The following SLIT3 variants were observed in gnomAD, a reference collection of about 807,000 sequenced individuals.
SLIT3 encodes slit homolog 3 protein.
Under a neutral mutation model 184.0 loss-of-function variants are expected in SLIT3, and 68 were observed. The observed-to-expected ratio is 0.37, with a 90% CI of 0.30 to 0.45. SLIT3 has a LOEUF of 0.45. Ranked by LOEUF, SLIT3 falls within the 20% of genes least tolerant of loss-of-function variation. The probability of loss-of-function intolerance (pLI) is 1.00; values close to 1 mark genes in which losing one functional copy is unlikely to be tolerated. For missense variants in SLIT3, 1,707 were observed against 2,026.0 expected, an observed-to-expected ratio of 0.84 and a Z score of 3.02; for synonymous variants, 831 against 828.6, an observed-to-expected ratio of 1.00 and a Z score of -0.05.
intron 12 of SLIT3, among the ~76,000 whole-genome samples, chr5:168,778,208 G>A (rs1755826822): frequency 6.6e-6 from 1 of 152,056 alleles, no homozygotes; most frequent in Non-Finnish European, 1.5e-5. Context: ...CACTTTCCAG[G>A]CACTATCTTA....
intron 6 of SLIT3, among the ~76,000 whole-genome samples, chr5:168,843,049 T>G (rs1758323868): frequency 6.6e-6 from 1 of 152,166 alleles, no homozygotes. Flanking sequence ...TTGTTGCCAG[T>G]TCCAGGGTCA....
intron 4 of SLIT3, among the ~76,000 whole-genome samples, chr5:169,175,714 G>A (rs537104263): frequency 5.7e-4 from 87 of 152,278 alleles, no homozygotes; most frequent in African/African-American, 2.0e-3. Context: ...ACCCTGAGAT[G>A]TCTGTGGCTT....
At chr5:169,009,394 T>C (rs1756055183) in intron 4 of SLIT3, among the ~76,000 whole-genome samples, 1 of 152,208 alleles carries the variant, frequency 6.6e-6, no homozygotes, top group African/African-American at 2.4e-5. Flanking sequence ...ATGTCACATG[T>C]AGGAGTCTGT....
At chr5:169,273,954 ACAAT>A (rs1156708219) in intron 1 of SLIT3, among the ~76,000 whole-genome samples, 26 of 152,324 alleles carry the variant, frequency 1.7e-4, no homozygotes, top group African/African-American at 6.3e-4. Context: ...ATCCAAAATA[ACAAT>A]CAAGCAACCT....
chr5:168,825,783 C>T (rs975599719), intron 6 of SLIT3, among the ~76,000 whole-genome samples: 1 of 152,220 alleles, frequency 6.6e-6, no homozygotes, highest in African/African-American at 2.4e-5. Context: ...AGACCAGGCA[C>T]TCTGCCTTGG....
chr5:168,812,972 C>A (rs1561946519), intron 8 of SLIT3, among the ~76,000 whole-genome samples: 1 of 151,760 alleles, frequency 6.6e-6, no homozygotes. Context: ...AAATGAAGTG[C>A]TTATTGAGAG....
At chr5:168,833,986 A>ATCTGCCCAGC (rs1241247670) in intron 6 of SLIT3, among the ~76,000 whole-genome samples, 1 of 152,226 alleles carries the variant, frequency 6.6e-6, no homozygotes, top group African/African-American at 2.4e-5. Flanking sequence ...GGATGCCCAG[A>ATCTGCCCAGC]TCTGCCCAGC....
chr5:168,677,208 T>C (rs1303114862), intron 32 of SLIT3, among the ~76,000 whole-genome samples: 1 of 152,204 alleles, frequency 6.6e-6, no homozygotes, highest in African/African-American at 2.4e-5. Flanking sequence ...GCAAGTCATA[T>C]CACTTCTGTA....
rs550734371 is a variant in SLIT3 at position 169,055,746 on chromosome 5, G to C, written c.413+137733C>G. Among the ~76,000 whole-genome samples the C allele has an allele frequency of 2.0e-5, 3 of 151,954 alleles. No individual in the cohort carries two copies. In the South Asian group the frequency reaches 6.2e-4, roughly 32 times the overall value. Reference sequence around the variant, plus strand: ...ACTCGGGAGGCTGAGGCAGAGAATGGTTTGAACCCGGGAGGCGGTGGTTGC... The same window carrying C: ...ACTCGGGAGGCTGAGGCAGAGAATGCTTTGAACCCGGGAGGCGGTGGTTGC... On this transcript the variant is annotated intron_variant, in intron 4 of 35. Coordinates refer to ENST00000519560, the MANE Select transcript of SLIT3 (RefSeq NM_003062.4).
intron 9 of SLIT3, among the ~76,000 whole-genome samples, chr5:168,802,653 G>T (rs908456039): frequency 9.9e-5 from 15 of 152,152 alleles, no homozygotes; most frequent in African/African-American, 2.9e-4. Flanking sequence ...ACCCTTCAAA[G>T]AACTGACCTA....
At chr5:169,182,046 T>A (rs1259222440) in intron 4 of SLIT3, among the ~76,000 whole-genome samples, 1 of 152,098 alleles carries the variant, frequency 6.6e-6, no homozygotes, top group Middle Eastern at 3.2e-3. Flanking sequence ...AACCATCAGT[T>A]CAACAGCAGG....
At position 168,683,835 on chromosome 5, in the gene SLIT3, G is replaced by A. The variant is rs981422425; in HGVS notation, c.3686+131C>T. On this transcript the variant is annotated intron_variant, in intron 32 of 35. Transcript: ENST00000519560. ...CGGTGAGGAGGAAGTGTGTGTGTGC[G>A]CACATGTGCGTGGTAGGGGCGGGGA... The A allele has an allele frequency of 2.5e-5, 20 of 793,916 alleles. 1 individual carries two copies. In the African/African-American group the frequency reaches 3.2e-4, roughly 13 times the overall value. The allele number at this position is 793,916 out of a possible 1,614,324, so 49.2% of individuals were successfully genotyped here.
chr5:169,027,133 G>C (rs1292674967), intron 4 of SLIT3, among the ~76,000 whole-genome samples: 1 of 152,140 alleles, frequency 6.6e-6, no homozygotes, highest in Non-Finnish European at 1.5e-5. Flanking sequence ...TGCTCAAGTT[G>C]CTCATGTGCC....
chr5:169,003,322 T>C (rs10055309), intron 4 of SLIT3, among the ~76,000 whole-genome samples: 14,291 of 152,246 alleles, frequency 0.094, 908 homozygotes, highest in African/African-American at 0.17. Flanking sequence ...GGGCACTCAG[T>C]ACATCTTCCC....
intron 4 of SLIT3, among the ~76,000 whole-genome samples, chr5:168,950,730 G>GT (rs1013431231): frequency 6.6e-6 from 1 of 152,156 alleles, no homozygotes; most frequent in African/African-American, 2.4e-5. Flanking sequence ...ACATTACCAC[G>GT]TAAGGATGTG....
intron 4 of SLIT3, among the ~76,000 whole-genome samples, chr5:168,884,427 T>TCA (rs59573859): frequency 3.7e-4 from 54 of 144,332 alleles, no homozygotes; most frequent in African/African-American, 1.1e-3. Flanking sequence ...TCTCTCTCTC[T>TCA]CACACACACA....
chr5:168,725,690 GTAAGGTTGGAGAATCTGC>G lies in SLIT3; in HGVS notation c.2271-1224_2271-1207del, dbSNP rs924850899. ...CACAGATTCTGACCCTAGGTCTGGG[GTAAGGTTGGAGAATCTGC>G]ATTTCTAATGAGCTCCTGGGTGATG... On this transcript the variant is annotated intron_variant, in intron 20 of 35. Coordinates refer to ENST00000519560, the MANE Select transcript of SLIT3 (RefSeq NM_003062.4). Among the ~76,000 whole-genome samples the G allele has an allele frequency of 5.9e-5, 9 of 152,212 alleles. 1 individual carries two copies. The highest frequency in any genetic ancestry group is 4.6e-4 in the Admixed American group (7 of 15,286).
At chr5:168,723,090 T>C (rs1239971435) in intron 21 of SLIT3, 86 bp from the exon 22 acceptor site, 1 of 887,704 alleles carries the variant, frequency 1.1e-6, no homozygotes, top group Non-Finnish European at 1.9e-6. Context: ...ATACCTGCCA[T>C]CCACCCACTC....
At chr5:168,774,639 T>C (rs1178662475) in intron 12 of SLIT3, among the ~76,000 whole-genome samples, 1 of 152,162 alleles carries the variant, frequency 6.6e-6, no homozygotes, top group Non-Finnish European at 1.5e-5. Context: ...CTTGCACCCA[T>C]GGCCTTGAAG....
Sources: allele counts gnomAD v4.1 joint callset (sites outside exome capture counted in the v4.1 genomes callset), GRCh38; gene constraint gnomAD v4.1.1; transcripts MANE v1.5; gene names NCBI Gene and HGNC (gene_info 2026-07-23, HGNC 2026-07-21).